MYRIP: variants seen among roughly 807,000 people sequenced by gnomAD.
MYRIP encodes the protein rab effector MyRIP.
A neutral mutation model predicts 98.0 loss-of-function variants in MYRIP; 49 were observed. The ratio of observed to expected loss-of-function variants is 0.50; its 90% CI spans 0.40 to 0.63. The LOEUF is 0.63. MYRIP is among the 30% of genes least tolerant of loss of function. The probability of loss-of-function intolerance (pLI) is 0.00; values close to 1 mark genes in which losing one functional copy is unlikely to be tolerated. For missense variants in MYRIP, 1,004 were observed against 1,058.2 expected (o/e 0.95, Z 0.71); for synonymous variants, 404 against 409.5 (o/e 0.99, Z 0.16).
intron 3 of MYRIP, among the ~76,000 whole-genome samples, chr3:40,049,097 C>T (rs933336590): frequency 1.3e-5 from 2 of 152,178 alleles, no homozygotes; most frequent in South Asian, 4.1e-4. Flanking sequence ...AACATTCCTA[C>T]TTTCCTTGGA....
chr3:39,992,955 C>G (rs1946216273), intron 2 of MYRIP, among the ~76,000 whole-genome samples: 1 of 152,140 alleles, frequency 6.6e-6, no homozygotes, highest in African/African-American at 2.4e-5. Flanking sequence ...TCTTACTTAT[C>G]TTGGACTCTG....
chr3:40,104,761 C>G (rs1949023488), intron 3 of MYRIP, among the ~76,000 whole-genome samples: 1 of 152,196 alleles, frequency 6.6e-6, no homozygotes, highest in Non-Finnish European at 1.5e-5. Flanking sequence ...CACAAAGAGA[C>G]AGTCTTATAA....
At chr3:40,098,904 GGTGTGCATGTGTGTGCGTGTGTGT>G (rs1948886031) in intron 3 of MYRIP, among the ~76,000 whole-genome samples, 1 of 116,926 alleles carries the variant, frequency 8.6e-6, no homozygotes, top group Non-Finnish European at 1.8e-5. Context: ...AGGGTGTGTG[GGTGTGCATGTGTGTGCGTGTGTGT>G]GTGTGTGTGT....
chr3:40,003,659 T>A (rs1432174354), intron 2 of MYRIP, among the ~76,000 whole-genome samples: 1 of 152,228 alleles, frequency 6.6e-6, no homozygotes, highest in Admixed American at 6.5e-5. Flanking sequence ...TGTGGCTAGC[T>A]GTATATATAT....
intron 3 of MYRIP, among the ~76,000 whole-genome samples, chr3:40,107,407 A>T (rs1949069760): frequency 6.6e-6 from 1 of 152,204 alleles, no homozygotes; most frequent in South Asian, 2.1e-4. Flanking sequence ...TCTTGCCATA[A>T]AGTTGTATAA....
chr3:40,256,922 A>T (rs982717682), intron 16 of MYRIP, among the ~76,000 whole-genome samples: 16 of 152,218 alleles, frequency 1.1e-4, no homozygotes, highest in Admixed American at 8.5e-4. Flanking sequence ...TGTGCCCATC[A>T]CACACAGGCA....
chr3:39,973,136 G>A (rs7618076), intron 2 of MYRIP, among the ~76,000 whole-genome samples: 1 of 151,618 alleles, frequency 6.6e-6, no homozygotes, highest in Non-Finnish European at 1.5e-5. Context: ...GACCCATCAG[G>A]GTGCTGTATT....
intron 1 of MYRIP, among the ~76,000 whole-genome samples, chr3:39,864,807 T>A (rs1297107695): frequency 6.6e-6 from 1 of 152,124 alleles, no homozygotes; most frequent in Admixed American, 6.5e-5. Flanking sequence ...TATTTTAAAA[T>A]TCATATGGAA....
chr3:39,931,690 G>T (rs1944541555), intron 2 of MYRIP, among the ~76,000 whole-genome samples: 1 of 151,888 alleles, frequency 6.6e-6, no homozygotes, highest in Non-Finnish European at 1.5e-5. Context: ...GTTCCTTTGT[G>T]GTCTTAGTTT....
At chr3:40,145,418 A>G (rs955934922) in intron 3 of MYRIP, among the ~76,000 whole-genome samples, 22 of 152,188 alleles carry the variant, frequency 1.4e-4, no homozygotes, top group Admixed American at 1.4e-3. Flanking sequence ...ACCATGAGGA[A>G]GACAAACCTC....
intron 3 of MYRIP, among the ~76,000 whole-genome samples, chr3:40,138,495 A>G (rs1187301983): frequency 6.6e-6 from 1 of 152,204 alleles, no homozygotes; most frequent in Non-Finnish European, 1.5e-5. Flanking sequence ...GTTTAGAGGA[A>G]TTATACCATA....
chr3:40,159,090 C>T (rs1188738931), intron 4 of MYRIP, among the ~76,000 whole-genome samples: 7 of 151,626 alleles, frequency 4.6e-5, no homozygotes, highest in Admixed American at 2.0e-4. Context: ...TTCCTAGTCT[C>T]GATGGTCTTT....
chr3:39,839,571 A>G (rs1331813378), intron 1 of MYRIP, among the ~76,000 whole-genome samples: 1 of 152,014 alleles, frequency 6.6e-6, no homozygotes. Flanking sequence ...AGTTCTTTTA[A>G]TTGTGATGTT....
chr3:40,125,636 G>A (rs143203079), intron 3 of MYRIP, among the ~76,000 whole-genome samples: 1 of 152,206 alleles, frequency 6.6e-6, no homozygotes, highest in Admixed American at 6.5e-5. Context: ...TGTGACCTTG[G>A]TCATCTTATG....
At chr3:40,004,571 A>G (rs1226209058) in intron 2 of MYRIP, among the ~76,000 whole-genome samples, 1 of 152,024 alleles carries the variant, frequency 6.6e-6, no homozygotes, top group African/African-American at 2.4e-5. Flanking sequence ...ATTTTGGTGC[A>G]CCTGTCACCC....
chr3:40,244,759 C>A, intron 13 of MYRIP, 152 bp downstream of exon 13: 5 of 824,582 alleles, frequency 6.1e-6, no homozygotes, highest in Non-Finnish European at 9.1e-6. Flanking sequence ...TGGATTCCAC[C>A]AAATTCTCCC....
At chr3:39,852,559 C>T (rs540005914) in intron 1 of MYRIP, among the ~76,000 whole-genome samples, 3 of 152,192 alleles carry the variant, frequency 2.0e-5, no homozygotes, top group Admixed American at 1.3e-4. Context: ...CCCCCTGAGT[C>T]CCCAAAGTCC....
intron 11 of MYRIP, among the ~76,000 whole-genome samples, chr3:40,212,308 G>A (rs910633131): frequency 2.2e-4 from 31 of 143,984 alleles, no homozygotes; most frequent in Admixed American, 1.7e-3. Flanking sequence ...TATATATGTT[G>A]GAGGGTTCAG....
chr3:40,253,221 G>T (rs570111323), intron 16 of MYRIP, among the ~76,000 whole-genome samples: 12 of 152,204 alleles, frequency 7.9e-5, no homozygotes, highest in Admixed American at 4.6e-4. Context: ...ATCTTACCCC[G>T]CTTGTTTACC....
Sources: allele counts gnomAD v4.1 joint callset (sites outside exome capture counted in the v4.1 genomes callset), GRCh38; gene constraint gnomAD v4.1.1; transcripts MANE v1.5; gene names NCBI Gene and HGNC (gene_info 2026-07-23, HGNC 2026-07-21).